The following GRM3 variants were observed in gnomAD, a reference collection of about 807,000 sequenced individuals.
GRM3 encodes the protein metabotropic glutamate receptor 3.
Under a neutral mutation model 70.5 loss-of-function variants are expected in GRM3, and 26 were observed. The ratio of observed to expected loss-of-function variants is 0.37; its 90% CI spans 0.27 to 0.51. The LOEUF (loss-of-function observed/expected upper bound fraction) is 0.51, where lower values mean the gene tolerates loss of function less well. Ranked by LOEUF, GRM3 falls within the 20% of genes least tolerant of loss-of-function variation. GRM3 has a pLI of 0.93. For synonymous variants in GRM3, 443 were observed against 434.9 expected, an observed-to-expected ratio of 1.02 and a Z score of -0.23; for missense variants, 859 against 1,123.8, an observed-to-expected ratio of 0.76 and a Z score of 3.37.
intron 1 of GRM3, among the ~76,000 whole-genome samples, chr7:86,696,407 C>T (rs1356924469): frequency 6.6e-6 from 1 of 152,074 alleles, no homozygotes; most frequent in East Asian, 1.9e-4. Context: ...TCCCCAAAAC[C>T]TCTAGAAGCT....
intron 1 of GRM3, among the ~76,000 whole-genome samples, chr7:86,743,513 T>C (rs1347434572): frequency 6.6e-6 from 1 of 152,154 alleles, no homozygotes; most frequent in African/African-American, 2.4e-5. Context: ...TTCTTCTCCC[T>C]TGCAGCTGCA....
rs750691453 is a variant in GRM3, at chr7:86,838,916, G to A, written c.1402G>A (p.Val468Met). 10 of 1,613,622 alleles carry A rather than the reference G, an allele frequency of 6.2e-6. No homozygotes were observed. Among genetic ancestry groups the A allele is most frequent in the South Asian group, 1.1e-5 (1 of 91,030 alleles). Residue 468 changes from valine (V) to methionine (M), a missense_variant, in exon 4 of 6, where the codon GTG becomes ATG. By Grantham distance (21) the Val-to-Met change is conservative. Coordinates refer to ENST00000361669, the MANE Select transcript of GRM3 (RefSeq NM_000840.3). ...TGGAGATGGAATGGGGCGATACAACGTGTTCAATTTCCAAAATGTAGGTGG... is the reference window on the plus strand; with the variant it reads ...TGGAGATGGAATGGGGCGATACAACATGTTCAATTTCCAAAATGTAGGTGG... Reference protein sequence around the residue: ...TFGDGMGRYNVFNFQNVGGKY... With the variant: ...TFGDGMGRYNMFNFQNVGGKY...
intron 2 of GRM3, among the ~76,000 whole-genome samples, chr7:86,779,789 A>G (rs902898011): frequency 1.3e-5 from 2 of 152,210 alleles, no homozygotes. Flanking sequence ...GACAGAAGGA[A>G]CATCACAGTA....
intron 1 of GRM3, among the ~76,000 whole-genome samples, chr7:86,723,469 T>C (rs910999167): frequency 1.2e-4 from 18 of 152,144 alleles, no homozygotes; most frequent in African/African-American, 4.3e-4. Flanking sequence ...GAGCTAAACT[T>C]AAAAAGAATT....
In GRM3 at chr7:86,779,097, T is replaced by C. The variant is rs549140186; in HGVS notation, c.469-7164T>C. 2.0e-5 allele frequency among the ~76,000 whole-genome samples: 3 copies of C among 152,308 alleles called. No homozygotes were observed. The South Asian group carries it at 6.2e-4, about 32-fold the overall frequency. On this transcript the variant is annotated intron_variant, in intron 2 of 5. Transcript: ENST00000361669. ...AATAAAACTTCCAAATAAATTAGTATTGAACTAAAAATTCCCATCTGTGAA... is the reference window on the plus strand; with the variant it reads ...AATAAAACTTCCAAATAAATTAGTACTGAACTAAAAATTCCCATCTGTGAA...
At chr7:86,838,780 A>C in intron 3 of GRM3, 59 bp from the exon 4 acceptor site, 1 of 881,402 alleles carries the variant, frequency 1.1e-6, no homozygotes, top group Non-Finnish European at 1.8e-6. Flanking sequence ...TAATTGACTA[A>C]TCACACGTAA....
At position 86,713,650 on chromosome 7, in the gene GRM3, G is replaced by A. The variant is rs372910505; in HGVS notation, c.-140-51356G>A. 2.6e-5 allele frequency among the ~76,000 whole-genome samples: 4 copies of A among 151,818 alleles called. No homozygotes were observed. In the East Asian group the frequency reaches 5.8e-4, roughly 22 times the overall value. ...CTGTTCTTGTAGGATGCCTTTTTCT[G>A]TACTTCATTTGGTACAAAATACAGT... On this transcript the variant is annotated intron_variant, in intron 1 of 5. Coordinates refer to ENST00000361669, the MANE Select transcript of GRM3 (RefSeq NM_000840.3).
At chr7:86,687,863 T>C (rs1422387127) in intron 1 of GRM3, among the ~76,000 whole-genome samples, 1 of 151,772 alleles carries the variant, frequency 6.6e-6, no homozygotes, top group Non-Finnish European at 1.5e-5. Context: ...TGTATTGTAA[T>C]TAATAATGTA....
intron 3 of GRM3, among the ~76,000 whole-genome samples, chr7:86,837,280 C>T (rs1798474751): frequency 6.6e-6 from 1 of 152,136 alleles, no homozygotes; most frequent in Non-Finnish European, 1.5e-5. Context: ...CCAAGTAATT[C>T]ATTGAAGGAT....
At chr7:86,650,825 C>T (rs1040959372) in intron 1 of GRM3, among the ~76,000 whole-genome samples, 1 of 152,166 alleles carries the variant, frequency 6.6e-6, no homozygotes, top group African/African-American at 2.4e-5. Context: ...TGATGTTTCT[C>T]TCCTCTTACA....
chr7:86,773,809 C>T (rs1796807595), intron 2 of GRM3, among the ~76,000 whole-genome samples: 1 of 152,034 alleles, frequency 6.6e-6, no homozygotes, highest in Non-Finnish European at 1.5e-5. Flanking sequence ...ATCTGATATG[C>T]TACTATTTTT....
chr7:86,653,139 T>C (rs1180103988), intron 1 of GRM3, among the ~76,000 whole-genome samples: 1 of 152,210 alleles, frequency 6.6e-6, no homozygotes, highest in Non-Finnish European at 1.5e-5. Context: ...GCCACTTTTT[T>C]ACTCTGTGCT....
intron 1 of GRM3, among the ~76,000 whole-genome samples, chr7:86,740,708 C>T (rs1795968168): frequency 6.6e-6 from 1 of 152,104 alleles, no homozygotes; most frequent in Non-Finnish European, 1.5e-5. Context: ...CTTAAAAATT[C>T]TCGAGTCATT....
At chr7:86,754,289 C>G (rs528560309) in intron 1 of GRM3, among the ~76,000 whole-genome samples, 32 of 152,216 alleles carry the variant, frequency 2.1e-4, no homozygotes, top group African/African-American at 7.7e-4. Flanking sequence ...AAAAATGTCT[C>G]TCTCTTTAAT....
chr7:86,721,947 A>G (rs1795476520), intron 1 of GRM3, among the ~76,000 whole-genome samples: 1 of 152,164 alleles, frequency 6.6e-6, no homozygotes, highest in African/African-American at 2.4e-5. Flanking sequence ...GACTCCTGGA[A>G]ACTAGAATTG....
chr7:86,754,965 C>G (rs957115466), intron 1 of GRM3, among the ~76,000 whole-genome samples: 2 of 152,090 alleles, frequency 1.3e-5, no homozygotes, highest in Non-Finnish European at 2.9e-5. Context: ...TTAAGCCACT[C>G]TACCAGAGAG....
chr7:86,764,116 T>G (rs1332071790), intron 1 of GRM3, among the ~76,000 whole-genome samples: 1 of 152,070 alleles, frequency 6.6e-6, no homozygotes, highest in Non-Finnish European at 1.5e-5. Context: ...CTTTGAGGTG[T>G]CTGAAGGATG....
At chr7:86,729,672 G>C (rs1422494008) in intron 1 of GRM3, among the ~76,000 whole-genome samples, 1 of 152,128 alleles carries the variant, frequency 6.6e-6, no homozygotes, top group African/African-American at 2.4e-5. Flanking sequence ...GGATCTGAGT[G>C]AATTATTTGT....
In GRM3 at chr7:86,839,795, T is replaced by C. The variant is rs1798527260; in HGVS notation, c.2281T>C (p.Cys761Arg). The C allele has an allele frequency of 6.2e-7, 1 of 1,614,042 alleles. No individual in the cohort carries two copies. The highest frequency in any genetic ancestry group is 8.5e-7 in the Non-Finnish European group (1 of 1,179,910). ...CTVYAFKTRK[C>R]PENFNEAKFI... ...TGTGTACGCCTTCAAAACGCGGAAG[T>C]GCCCAGAAAATTTCAACGAAGCTAA... The change falls in exon 4 of 6, where the codon TGC becomes CGC. Residue 761 changes from cysteine (C) to arginine (R), a missense_variant. Physicochemically the swap from Cys to Arg is radical, Grantham distance 180. Coordinates refer to ENST00000361669, the MANE Select transcript of GRM3 (RefSeq NM_000840.3). The surrounding 1 kb of genome is among the most constrained non-coding windows in gnomAD (Gnocchi z 4.5).
Sources: allele counts gnomAD v4.1 joint callset (sites outside exome capture counted in the v4.1 genomes callset), GRCh38; gene constraint gnomAD v4.1.1; non-coding constraint Gnocchi (gnomAD v3.1); transcripts MANE v1.5; gene names NCBI Gene and HGNC (gene_info 2026-07-23, HGNC 2026-07-21).